SH2D5: variants seen among roughly 807,000 people sequenced by gnomAD.
SH2D5 encodes the protein SH2 domain-containing protein 5.
A neutral mutation model predicts 48.2 loss-of-function variants in SH2D5; 45 were observed. The observed-to-expected ratio is 0.93, with a 90% confidence interval of 0.73 to 1.20. The LOEUF (loss-of-function observed/expected upper bound fraction) is 1.20. Ranked by LOEUF, SH2D5 falls within the 50% of genes most tolerant of loss-of-function variation. The pLI, the probability that SH2D5 is intolerant of heterozygous loss-of-function variation, is 0.00. For synonymous variants in SH2D5, 230 were observed against 249.8 expected (o/e 0.92, Z 0.75); for missense variants, 538 against 584.1 (o/e 0.92, Z 0.81).
rs754832190 is a variant in SH2D5 at position 20,723,610 on chromosome 1, G to T, written c.908+16C>A. Reference sequence around the variant, plus strand: ...CCCAAGGGACTGGGCGTCAGGCCAGGCCAGGCCCTTCCTACCTGGAGATGC... The same window carrying T: ...CCCAAGGGACTGGGCGTCAGGCCAGTCCAGGCCCTTCCTACCTGGAGATGC... On this transcript the variant is annotated intron_variant, in intron 8 of 9. Transcript: ENST00000444387. 1 of 1,595,358 alleles carries T rather than the reference G, an allele frequency of 6.3e-7. No homozygotes were observed. Among genetic ancestry groups the T allele is most frequent in the African/African-American group, 1.3e-5 (1 of 74,770 alleles).
rs2054676444 is a variant in SH2D5 at position 20,721,185 on chromosome 1, C to G, written c.*607G>C. Reference sequence around the variant, plus strand: ...GCGTTAGGTACAGCCCTCTGTCCCTCCTGCCCTCTCTGCACCTTCCCACCC... The same window carrying G: ...GCGTTAGGTACAGCCCTCTGTCCCTGCTGCCCTCTCTGCACCTTCCCACCC... On this transcript the variant is annotated 3_prime_UTR_variant, in exon 10 of 10. Transcript: ENST00000444387. The G allele has an allele frequency of 6.5e-6, 1 of 153,922 alleles. No individual in the cohort carries two copies. The highest frequency in any genetic ancestry group is 2.1e-4 in the South Asian group (1 of 4,870). The allele number at this position is 153,922 out of a possible 1,614,324, so 9.5% of individuals were successfully genotyped here.
Position 20,721,739 on chromosome 1 carries a change from T to G in SH2D5, c.*53A>C. On this transcript the variant is annotated 3_prime_UTR_variant, in exon 10 of 10. Transcript: ENST00000444387. ...GGTGCAGGACGGGCAGAGATGCTGC[T>G]GGGGCCCAGGAGCCGGGGTGAGGCG... 6.9e-7 allele frequency: 1 copy of G among 1,446,246 alleles called. No homozygotes were observed. Among genetic ancestry groups the G allele is most frequent in the Non-Finnish European group, 9.2e-7 (1 of 1,088,000 alleles). 89.6% of individuals were successfully genotyped at this position (1,446,246 alleles called of 1,614,324 possible).
intron 5 of SH2D5, among the ~76,000 whole-genome samples, chr1:20,725,514 C>T (rs542143187): frequency 6.6e-6 from 1 of 152,192 alleles, no homozygotes; most frequent in African/African-American, 2.4e-5. Flanking sequence ...ACGATGGTAG[C>T]GTGCAGTTCA....
At position 20,722,884 on chromosome 1, in the gene SH2D5, C is replaced by T. The variant is rs758073632; in HGVS notation, c.940G>A (p.Val314Met). The T allele has an allele frequency of 6.9e-6, 11 of 1,603,126 alleles. No individual in the cohort carries two copies. The highest frequency in any genetic ancestry group is 5.4e-5 in the African/African-American group (4 of 74,724). Reference sequence around the variant, plus strand: ...GGCCACAGCAGGAAGGCCCCCAGCACGTCTCTCCGCAACAGGGCCAGGGCA... The same window carrying T: ...GGCCACAGCAGGAAGGCCCCCAGCATGTCTCTCCGCAACAGGGCCAGGGCA... Reference protein sequence around the residue: ...PCALALLRRDVLGAFLLWPEL... With the variant: ...PCALALLRRDMLGAFLLWPEL... The change falls in exon 9 of 10, where the codon GTG becomes ATG. Residue 314 changes from valine to methionine, a missense_variant. Transcript: ENST00000444387.
intron 1 of SH2D5, chr1:20,731,134 A>G (rs1039045126): frequency 1.3e-5 from 2 of 152,092 alleles, no homozygotes; most frequent in African/African-American, 2.4e-5. Context: ...TAGGGTGTCC[A>G]CTCTTGGAGT....
rs2054654455 is a variant in SH2D5, at chr1:20,719,853, AG to A, written c.*1938del. On this transcript the variant is annotated 3_prime_UTR_variant, in exon 10 of 10. Coordinates refer to ENST00000444387, the MANE Select transcript of SH2D5 (RefSeq NM_001103161.2). ...TGATTAAGACATGGAGTCTGCAAACAGGGGCCAAAAACCTTGCCCTCTCTGT... is the reference window on the plus strand; with the variant it reads ...TGATTAAGACATGGAGTCTGCAAACAGGGCCAAAAACCTTGCCCTCTCTGT... 1 of 152,210 alleles carries A rather than the reference AG, an allele frequency of 6.6e-6. No homozygotes were observed. Among genetic ancestry groups the A allele is most frequent in the African/African-American group, 2.4e-5 (1 of 41,438 alleles). 9.4% of individuals were successfully genotyped at this position (152,210 alleles called of 1,614,324 possible). A position where few individuals can be genotyped will look rare whatever the true frequency, so the allele number is the denominator to read the frequency against.
chr1:20,727,693 T>C, intron 2 of SH2D5, 90 bp from the exon 3 acceptor site: 2 of 1,215,800 alleles, frequency 1.6e-6, no homozygotes, highest in Non-Finnish European at 2.3e-6. Context: ...AACACACATC[T>C]GCTCTGCCAG....
chr1:20,730,450 G>A (rs540567148), intron 1 of SH2D5, among the ~76,000 whole-genome samples: 155 of 152,288 alleles, frequency 1.0e-3, no homozygotes, highest in African/African-American at 3.5e-3. Flanking sequence ...AGCTTTCAGC[G>A]TCCCCAGTGT....
chr1:20,724,682 C>G, intron 5 of SH2D5, 47 bp from the exon 6 acceptor site: 1 of 1,482,326 alleles, frequency 6.7e-7, no homozygotes, highest in Middle Eastern at 1.9e-4. Flanking sequence ...AGGTCTCCAT[C>G]TCCCAGTGAA....
At chr1:20,730,321 C>A (rs1443155365) in intron 1 of SH2D5, among the ~76,000 whole-genome samples, 2 of 142,368 alleles carry the variant, frequency 1.4e-5, no homozygotes, top group Admixed American at 1.4e-4. Context: ...GGGGGGGGGA[C>A]GCAGCCCCTC....
At position 20,721,719 on chromosome 1, in the gene SH2D5, A is replaced by G. The variant is rs1368283787; in HGVS notation, c.*73T>C. ...ATGGAACTGGCAACCAGAGGGGTGC[A>G]GGACGGGCAGAGATGCTGCTGGGGC... On this transcript the variant is annotated 3_prime_UTR_variant, in exon 10 of 10. Coordinates refer to ENST00000444387, the MANE Select transcript of SH2D5 (RefSeq NM_001103161.2). 10 of 1,372,754 alleles carry G rather than the reference A, an allele frequency of 7.3e-6. No individual in the cohort carries two copies. The highest frequency in any genetic ancestry group is 9.7e-6 in the Non-Finnish European group (10 of 1,027,918). 85.0% of individuals were successfully genotyped at this position (1,372,754 alleles called of 1,614,324 possible). A position where few individuals can be genotyped will look rare whatever the true frequency, so the allele number is the denominator to read the frequency against.
intron 9 of SH2D5, 70 bp downstream of exon 9, chr1:20,722,686 G>T: frequency 7.3e-7 from 1 of 1,373,770 alleles, no homozygotes; most frequent in Non-Finnish European, 9.5e-7. Flanking sequence ...GAAAAGGGCA[G>T]GCAGGAAGGG....
At chr1:20,724,691 A>G in intron 5 of SH2D5, 56 bp from the exon 6 acceptor site, 2 of 1,471,048 alleles carry the variant, frequency 1.4e-6, no homozygotes, top group Non-Finnish European at 1.8e-6. Context: ...TCTCCCAGTG[A>G]ACTCCCTGGG....
At chr1:20,725,413 G>A (rs929050930) in intron 5 of SH2D5, among the ~76,000 whole-genome samples, 1 of 152,170 alleles carries the variant, frequency 6.6e-6, no homozygotes, top group Non-Finnish European at 1.5e-5. Context: ...TGATCTACCC[G>A]CCCACCCCGA....
Position 20,724,088 on chromosome 1 carries a change from TC to T in SH2D5, c.793del (p.Glu265ArgfsTer27), listed in dbSNP as rs753671710. 1.2e-6 allele frequency: 2 copies of T among 1,610,522 alleles called. No homozygotes were observed. Among genetic ancestry groups the T allele is most frequent in the South Asian group, 2.2e-5 (2 of 91,022 alleles). On this transcript the variant is annotated frameshift_variant, in exon 7 of 10. Coordinates refer to ENST00000444387, the MANE Select transcript of SH2D5 (RefSeq NM_001103161.2). LOFTEE classifies it high-confidence loss of function. ...GGCATGTTCCCACAACTCACAGGCCTCCCGAGCCGACAGCTGCAGCTGGGTC... is the reference window on the plus strand; with the variant it reads ...GGCATGTTCCCACAACTCACAGGCCTCCGAGCCGACAGCTGCAGCTGGGTC... ...YETQLQLSAR[E>X]AFPAAWEAWP...
At chr1:20,726,238 G>A (rs546220919) in intron 4 of SH2D5, among the ~76,000 whole-genome samples, 172 bp from the exon 5 acceptor site, 1 of 152,322 alleles carries the variant, frequency 6.6e-6, no homozygotes, top group South Asian at 2.1e-4. Flanking sequence ...TGTGATGCTC[G>A]GCCTGCCGGG....
At chr1:20,725,426 G>A (rs533671075) in intron 5 of SH2D5, among the ~76,000 whole-genome samples, 40 of 152,268 alleles carry the variant, frequency 2.6e-4, no homozygotes, top group African/African-American at 9.4e-4. Flanking sequence ...CACCCCGACC[G>A]CTCTGGGCCA....
intron 5 of SH2D5, among the ~76,000 whole-genome samples, chr1:20,725,445 C>T (rs1230418812): frequency 6.6e-6 from 1 of 152,238 alleles, no homozygotes; most frequent in African/African-American, 2.4e-5. Flanking sequence ...CAAGCACTCT[C>T]TCAAGACCTG....
At chr1:20,730,314 G>A (rs575310913) in intron 1 of SH2D5, among the ~76,000 whole-genome samples, 2 of 139,690 alleles carry the variant, frequency 1.4e-5, no homozygotes, top group Middle Eastern at 3.6e-3. Flanking sequence ...CTCGGGGGGG[G>A]GGGGGACGCA....
Sources: allele counts gnomAD v4.1 joint callset (sites outside exome capture counted in the v4.1 genomes callset), GRCh38; gene constraint gnomAD v4.1.1; transcripts MANE v1.5; gene names NCBI Gene and HGNC (gene_info 2026-07-23, HGNC 2026-07-21).